MYO16: variants seen among roughly 807,000 people sequenced by gnomAD.
MYO16 encodes myosin XVI, also known as unconventional myosin-XVI.
MYO16 carries 94 observed loss-of-function variants against 205.3 expected under a neutral mutation model. That is an observed-to-expected ratio of 0.46 (90% CI 0.39 to 0.54). The LOEUF (loss-of-function observed/expected upper bound fraction) is 0.54, where lower values mean the gene tolerates loss of function less well. Ranked by LOEUF, MYO16 falls within the 20% of genes least tolerant of loss-of-function variation. The pLI is 0.00. For missense variants in MYO16, 2,315 were observed against 2,387.5 expected (o/e 0.97, Z 0.63); for synonymous variants, 988 against 954.0 (o/e 1.04, Z -0.66).
At chr13:108,664,744 C>T (rs1881649932) in intron 1 of MYO16, among the ~76,000 whole-genome samples, 1 of 152,126 alleles carries the variant, frequency 6.6e-6, no homozygotes, top group Non-Finnish European at 1.5e-5. Context: ...AATGCTTTAA[C>T]ATTGATTTTC....
chr13:108,808,686 G>A (rs1887191826), intron 7 of MYO16, among the ~76,000 whole-genome samples: 1 of 151,802 alleles, frequency 6.6e-6, no homozygotes, highest in Non-Finnish European at 1.5e-5. Flanking sequence ...TGAGAGACAA[G>A]ATCAGCCAGA....
intron 2 of MYO16, among the ~76,000 whole-genome samples, chr13:108,702,051 A>C (rs1883330060): frequency 6.6e-6 from 1 of 152,166 alleles, no homozygotes; most frequent in African/African-American, 2.4e-5. Flanking sequence ...AGCACAGCCT[A>C]AGGGGCCTGT....
intron 16 of MYO16, among the ~76,000 whole-genome samples, chr13:108,921,740 A>T (rs9521099): frequency 0.35 from 53,545 of 152,110 alleles, 9,932 homozygotes; most frequent in Admixed American, 0.45. Context: ...AACTGTTAAA[A>T]GCAGCAGGCT....
intron 3 of MYO16, among the ~76,000 whole-genome samples, chr13:108,724,649 G>T (rs1384933946): frequency 2.0e-5 from 3 of 152,006 alleles, no homozygotes; most frequent in Non-Finnish European, 4.4e-5. Context: ...TACGCACGGT[G>T]CATGTTATTT....
At chr13:108,886,012 G>A (rs889080804) in intron 13 of MYO16, among the ~76,000 whole-genome samples, 1 of 151,260 alleles carries the variant, frequency 6.6e-6, no homozygotes, top group African/African-American at 2.4e-5. Flanking sequence ...ATGGAGTCTT[G>A]AGTCTCGCTC....
intron 7 of MYO16, among the ~76,000 whole-genome samples, chr13:108,813,380 G>A (rs1887353486): frequency 6.6e-6 from 1 of 152,036 alleles, no homozygotes; most frequent in Admixed American, 6.6e-5. Context: ...AATTCAAGTG[G>A]GGTATGCAAG....
At chr13:108,659,940 T>C (rs1346195791) in intron 1 of MYO16, among the ~76,000 whole-genome samples, 3 of 152,016 alleles carry the variant, frequency 2.0e-5, no homozygotes, top group Admixed American at 6.6e-5. Flanking sequence ...AGGATAGTAA[T>C]TGATATTGTA....
At chr13:109,063,648 A>C (rs1231275150) in intron 27 of MYO16, among the ~76,000 whole-genome samples, 1 of 152,218 alleles carries the variant, frequency 6.6e-6, no homozygotes. Context: ...TAAGCTGCTC[A>C]ATCTACAGTA....
chr13:109,187,844 C>G (rs150383772), intron 34 of MYO16, among the ~76,000 whole-genome samples: 31 of 152,284 alleles, frequency 2.0e-4, no homozygotes, highest in Non-Finnish European at 3.8e-4. Flanking sequence ...TGGGTGGAGT[C>G]TTCTGGAAGT....
chr13:108,537,829 C>T, the MYO16 span, among the ~76,000 whole-genome samples: 1 of 151,856 alleles, frequency 6.6e-6, no homozygotes, highest in South Asian at 2.1e-4. Flanking sequence ...CTGTTCATGT[C>T]CTTTGCCCAC....
chr13:108,950,753 A>C (rs1343350514), intron 16 of MYO16, among the ~76,000 whole-genome samples: 1 of 151,910 alleles, frequency 6.6e-6, no homozygotes, highest in Non-Finnish European at 1.5e-5. Context: ...GTAAATGTTC[A>C]TAGTAGCCTT....
At chr13:109,110,518 A>AT (rs967573687) in intron 28 of MYO16, among the ~76,000 whole-genome samples, 8 of 152,328 alleles carry the variant, frequency 5.3e-5, no homozygotes, top group Non-Finnish European at 8.8e-5. Context: ...ACAGTGCTCT[A>AT]TTAGATGTGT....
chr13:108,629,805 T>A lies in MYO16; in HGVS notation c.-40T>A. 6.6e-7 allele frequency: 1 copy of A among 1,519,530 alleles called. No individual in the cohort carries two copies. Among genetic ancestry groups the A allele is most frequent in the South Asian group, 1.2e-5 (1 of 82,698 alleles). 94.1% of individuals were successfully genotyped at this position (1,519,530 alleles called of 1,614,324 possible). On this transcript the variant is annotated 5_prime_UTR_variant, in exon 1 of 35. The change abolishes an upstream ATG in the 5' untranslated region. Coordinates refer to ENST00000457511, the MANE Select transcript of MYO16 (RefSeq NM_001198950.3). The stretch of plus-strand genomic sequence containing the variant: ...GAACGACAGTTGTGACAGAAGAGAA[T>A]GCTGGAACCCGTAGCAAGATTCCTG...
chr13:108,527,909 C>T, the MYO16 span, among the ~76,000 whole-genome samples: 1 of 152,110 alleles, frequency 6.6e-6, no homozygotes, highest in Admixed American at 6.5e-5. Flanking sequence ...TGTTAGTTTT[C>T]TGTTTAACAA....
intron 2 of MYO16, among the ~76,000 whole-genome samples, chr13:108,685,407 T>C (rs953204077): frequency 1.3e-5 from 2 of 152,192 alleles, no homozygotes; most frequent in Non-Finnish European, 2.9e-5. Context: ...AGGAGTCTTG[T>C]GGGACTGAGC....
chr13:108,629,637 G>C lies in MYO16; in HGVS notation c.-208G>C, dbSNP rs952020775. On this transcript the variant is annotated 5_prime_UTR_variant, in exon 1 of 35. Coordinates refer to ENST00000457511, the MANE Select transcript of MYO16 (RefSeq NM_001198950.3). The stretch of plus-strand genomic sequence containing the variant: ...CCAGTGGTGCCTCAAGACCCACCGG[G>C]GAGAGGCTTATCTTAACTCCAGCTG... The C allele has an allele frequency of 1.4e-5, 7 of 518,254 alleles. No homozygotes were observed. The highest frequency in any genetic ancestry group is 1.1e-4 in the African/African-American group (6 of 52,956). 32.1% of individuals were successfully genotyped at this position (518,254 alleles called of 1,614,324 possible).
chr13:108,540,456 A>C, the MYO16 span, among the ~76,000 whole-genome samples: 46 of 152,238 alleles, frequency 3.0e-4, no homozygotes, highest in East Asian at 4.1e-3. Context: ...CATCCAAAAG[A>C]AGTGAATCTG....
At chr13:108,569,458 G>T in the MYO16 span, among the ~76,000 whole-genome samples, 23 of 151,968 alleles carry the variant, frequency 1.5e-4, no homozygotes, top group Admixed American at 4.6e-4. Flanking sequence ...ACTTTTTATT[G>T]TTAGCATATA....
intron 7 of MYO16, among the ~76,000 whole-genome samples, chr13:108,816,099 G>A (rs963438668): frequency 5.3e-5 from 8 of 152,194 alleles, no homozygotes; most frequent in East Asian, 1.9e-4. Context: ...GTGCTGGACC[G>A]TCCGGGCCTT....
Sources: allele counts gnomAD v4.1 joint callset (sites outside exome capture counted in the v4.1 genomes callset), GRCh38; gene constraint gnomAD v4.1.1; transcripts MANE v1.5; gene names NCBI Gene and HGNC (gene_info 2026-07-23, HGNC 2026-07-21).